Variants in XRN2 observed in about 807,000 individuals in gnomAD.
The protein encoded by XRN2 is DHM1-like protein.
In XRN2, 44 loss-of-function variants were observed where a neutral mutation model predicts 138.5. That is an observed-to-expected ratio of 0.32 (90% CI 0.25 to 0.41). The LOEUF (loss-of-function observed/expected upper bound fraction) is 0.41. Among genes scored for constraint, XRN2 ranks in the 10% least tolerant of loss-of-function variants. The pLI, the probability that XRN2 is intolerant of heterozygous loss-of-function variation, is 1.00. For synonymous variants in XRN2, 354 were observed against 369.4 expected (o/e 0.96, Z 0.48); for missense variants, 937 against 1,169.3 (o/e 0.80, Z 2.90).
chr20:21,331,426 C>CAT, intron 6 of XRN2, 135 bp from the exon 7 acceptor site: 1 of 706,796 alleles, frequency 1.4e-6, no homozygotes, highest in Admixed American at 2.5e-5. Flanking sequence ...CACACACACA[C>CAT]ACACACACAC....
intron 22 of XRN2, 34 bp downstream of exon 22, chr20:21,356,211 C>T (rs1455367489): frequency 6.5e-7 from 1 of 1,546,390 alleles, no homozygotes; most frequent in Admixed American, 2.0e-5. Flanking sequence ...TAGAAATGCA[C>T]TTTTTAAAAT....
chr20:21,375,010 CTTTTTTTTTTTTTTTTTTT>C (rs34212552), intron 27 of XRN2, among the ~76,000 whole-genome samples: 3 of 44,676 alleles, frequency 6.7e-5, no homozygotes, highest in Non-Finnish European at 1.2e-4. Context: ...TTGGTAAGTT[CTTTTTTTTTTTTTTTTTTT>C]TTTTTTGGTG....
chr20:21,303,826 G>C lies in XRN2; in HGVS notation c.75+353G>C, dbSNP rs535737835. The C allele has an allele frequency of 1.6e-5, 17 of 1,048,582 alleles. No individual in the cohort carries two copies. The African/African-American group carries it at 2.4e-4, about 15-fold the overall frequency. 65.0% of individuals were successfully genotyped at this position (1,048,582 alleles called of 1,614,324 possible). On this transcript the variant is annotated intron_variant, in intron 1 of 29. Transcript: ENST00000377191. ...GGGTCTCGGAAGAGGTTCAGAGGCT[G>C]TTGTTGAGCAATGCATGCCAGGTCA...
chr20:21,382,262 C>G (rs1223479490), intron 28 of XRN2, among the ~76,000 whole-genome samples: 8 of 152,084 alleles, frequency 5.3e-5, no homozygotes. Flanking sequence ...TCTTACTTTT[C>G]TTGGTTCTTG....
At chr20:21,303,709 C>A in intron 1 of XRN2, 1 of 1,256,578 alleles carries the variant, frequency 8.0e-7, no homozygotes, top group Non-Finnish European at 1.0e-6. Context: ...GGGTTCCGAA[C>A]TCGCAGGAGG....
intron 14 of XRN2, among the ~76,000 whole-genome samples, chr20:21,340,027 G>A (rs1482566391): frequency 6.6e-6 from 1 of 152,196 alleles, no homozygotes; most frequent in Non-Finnish European, 1.5e-5. Flanking sequence ...ATTTTTGTCA[G>A]TATCTTAGTC....
chr20:21,368,302 A>G (rs2038724969), intron 26 of XRN2, among the ~76,000 whole-genome samples, 161 bp from the exon 27 acceptor site: 1 of 152,212 alleles, frequency 6.6e-6, no homozygotes, highest in Non-Finnish European at 1.5e-5. Flanking sequence ...ACCATTATGT[A>G]GTTTTGAGCT....
intron 1 of XRN2, 149 bp downstream of exon 1, chr20:21,303,622 G>A: frequency 7.3e-7 from 1 of 1,364,848 alleles, no homozygotes; most frequent in Non-Finnish European, 9.4e-7. Context: ...AGCCCCACAC[G>A]CGATGGGACG....
At chr20:21,320,275 T>TTATG (rs1555783266) in intron 1 of XRN2, among the ~76,000 whole-genome samples, 15 of 137,584 alleles carry the variant, frequency 1.1e-4, no homozygotes, top group Non-Finnish European at 2.1e-4. Context: ...ATTTATTTAT[T>TTATG]TATGTATTTA....
chr20:21,331,232 A>G (rs1313092022), intron 6 of XRN2, among the ~76,000 whole-genome samples: 1 of 152,160 alleles, frequency 6.6e-6, no homozygotes, highest in Non-Finnish European at 1.5e-5. Flanking sequence ...TAGTGAAAAT[A>G]GGAGCTTGTG....
chr20:21,366,322 C>A (rs927636018), intron 26 of XRN2, among the ~76,000 whole-genome samples: 62 of 147,580 alleles, frequency 4.2e-4, no homozygotes, highest in African/African-American at 1.5e-3. Flanking sequence ...CTGAGGCAGG[C>A]AGATCATGAG....
At chr20:21,346,157 A>AT (rs1357413963) in intron 16 of XRN2, among the ~76,000 whole-genome samples, 1 of 152,320 alleles carries the variant, frequency 6.6e-6, no homozygotes, top group Non-Finnish European at 1.5e-5. Flanking sequence ...TTTCAATAAC[A>AT]TTTTTGAAAA....
chr20:21,375,771 G>A (rs2038813337), intron 27 of XRN2, among the ~76,000 whole-genome samples: 1 of 151,738 alleles, frequency 6.6e-6, no homozygotes, highest in Non-Finnish European at 1.5e-5. Flanking sequence ...AATAGCATAT[G>A]AGAATGTCTA....
chr20:21,333,339 A>C (rs2038240903), intron 9 of XRN2, among the ~76,000 whole-genome samples: 1 of 152,222 alleles, frequency 6.6e-6, no homozygotes. Context: ...GGCCCTTTGC[A>C]GAAAATGTTT....
chr20:21,386,597 T>C (rs994769219), intron 28 of XRN2, among the ~76,000 whole-genome samples: 7 of 152,220 alleles, frequency 4.6e-5, no homozygotes, highest in African/African-American at 1.7e-4. Flanking sequence ...AAAGGAAATT[T>C]CCCAATTGAA....
chr20:21,339,012 T>C (rs760009154), intron 13 of XRN2, 32 bp from the exon 14 acceptor site: 2 of 1,578,642 alleles, frequency 1.3e-6, no homozygotes. Context: ...TGTGTAATTA[T>C]TTGACAGAAT....
intron 27 of XRN2, among the ~76,000 whole-genome samples, chr20:21,376,118 G>A (rs571631188): frequency 3.9e-5 from 6 of 152,234 alleles, no homozygotes; most frequent in South Asian, 2.1e-4. Flanking sequence ...GATTACAGGC[G>A]TGAGCCACTG....
In XRN2 at chr20:21,335,804, G is replaced by A. The variant is rs926440437; in HGVS notation, c.1233+1619G>A. Among the ~76,000 whole-genome samples the A allele has an allele frequency of 6.6e-5, 10 of 152,312 alleles. No homozygotes were observed. The South Asian group carries it at 2.1e-3, about 32-fold the overall frequency. ...GTTGGCATTAGAGGAGGAAGTATGG[G>A]ATTTGGTAGACACCATAGTGTTACA... On this transcript the variant is annotated intron_variant, in intron 13 of 29. Transcript: ENST00000377191.
Position 21,334,179 on chromosome 20 carries a change from T to C in XRN2, c.1227T>C (p.Asp409=), listed in dbSNP as rs2038254795. The C allele has an allele frequency of 6.2e-7, 1 of 1,613,100 alleles. No homozygotes were observed. Among genetic ancestry groups the C allele is most frequent in the African/African-American group, 1.3e-5 (1 of 75,030 alleles). Residue 409 remains aspartate (D), a synonymous_variant, in exon 13 of 30, where the codon GAT becomes GAC. Coordinates refer to ENST00000377191, the MANE Select transcript of XRN2 (RefSeq NM_012255.5). ...ATAGCATTTTTAAAAAGAGAAAGGA[T>C]GATGAGGTAAAGTGTTTCTATTGCA... ...VEDSIFKKRK[D]DEDSFRRRQK...
Sources: allele counts gnomAD v4.1 joint callset (sites outside exome capture counted in the v4.1 genomes callset), GRCh38; gene constraint gnomAD v4.1.1; transcripts MANE v1.5; gene names NCBI Gene and HGNC (gene_info 2026-07-23, HGNC 2026-07-21).